The following FBP2 variants were observed in gnomAD, a reference collection of about 807,000 sequenced individuals.
The protein encoded by FBP2 is fructose-1,6-bisphosphatase isozyme 2.
Under a neutral mutation model 31.6 loss-of-function variants are expected in FBP2, and 27 were observed. That is an observed-to-expected ratio of 0.85 (90% CI 0.63 to 1.18). The LOEUF is 1.18. Ranked by LOEUF, FBP2 falls within the 50% of genes most tolerant of loss-of-function variation. The probability of loss-of-function intolerance (pLI) is 0.00; values close to 1 mark genes in which losing one functional copy is unlikely to be tolerated. For missense variants in FBP2, 421 were observed against 436.1 expected (o/e 0.97, Z 0.31); for synonymous variants, 168 against 179.8 (o/e 0.93, Z 0.53).
chr9:94,575,399 A>G (rs925931004), intron 3 of FBP2, among the ~76,000 whole-genome samples: 1 of 152,156 alleles, frequency 6.6e-6, no homozygotes, highest in South Asian at 2.1e-4. Context: ...GTTCTTTTGT[A>G]TGGCTTATGA....
chr9:94,588,883 G>A lies in FBP2; in HGVS notation c.171-1414C>T, dbSNP rs143993169. ...AGCCCCAGCCTCTGAAACCTCCAAG[G>A]CACACACCTGCCTTGTGACTGACTG... is the stretch of plus-strand genomic sequence containing the variant. On this transcript the variant is annotated intron_variant, in intron 1 of 6. Transcript: ENST00000375337. 4.5e-3 allele frequency among the ~76,000 whole-genome samples: 691 copies of A among 152,194 alleles called. 6 individuals carry two copies. Among genetic ancestry groups the A allele is most frequent in the Non-Finnish European group, 6.0e-3 (410 of 68,006 alleles).
Position 94,571,483 on chromosome 9 carries a change from C to T in FBP2, c.546G>A (p.Val182=), listed in dbSNP as rs372755885. ...TLVALSTGQG[V]DLFMLDPALG... is the part of the protein sequence containing the mutation. Reference sequence around the variant, plus strand: ...CTACCGGGTCAAGCATGAAGAGGTCCACGCCTTGCCCTGTGGAGAGAGCCA... The same window carrying T: ...CTACCGGGTCAAGCATGAAGAGGTCTACGCCTTGCCCTGTGGAGAGAGCCA... Residue 182 remains valine, a synonymous_variant, in exon 4 of 7, where the codon GTG becomes GTA. Transcript: ENST00000375337. 9.6e-5 allele frequency: 155 copies of T among 1,612,990 alleles called. 2 individuals carry two copies. The highest frequency in any genetic ancestry group is 1.1e-4 in the Non-Finnish European group (131 of 1,179,582).
intron 3 of FBP2, 128 bp downstream of exon 3, chr9:94,584,449 T>G: frequency 1.5e-6 from 1 of 646,024 alleles, no homozygotes; most frequent in Non-Finnish European, 2.8e-6. Context: ...GTTGGTGGTT[T>G]GCCTACAGTG....
chr9:94,561,350 GTATTT>G (rs1827097274), intron 6 of FBP2, among the ~76,000 whole-genome samples: 5 of 59,796 alleles, frequency 8.4e-5, no homozygotes, highest in African/African-American at 2.4e-4. Flanking sequence ...CATGTGACCT[GTATTT>G]TTTTTTTTTT....
chr9:94,580,783 G>A (rs1163274695), intron 3 of FBP2, among the ~76,000 whole-genome samples: 2 of 152,142 alleles, frequency 1.3e-5, no homozygotes, highest in African/African-American at 4.8e-5. Flanking sequence ...CCCTAAAAAA[G>A]GCCCTTATCA....
At chr9:94,580,852 A>G (rs1388092177) in intron 3 of FBP2, among the ~76,000 whole-genome samples, 4 of 152,150 alleles carry the variant, frequency 2.6e-5, no homozygotes, top group Non-Finnish European at 2.9e-5. Flanking sequence ...CTGGGTGCAC[A>G]TATTTCATCT....
chr9:94,559,429 G>T (rs1248942863), intron 6 of FBP2, among the ~76,000 whole-genome samples: 1 of 152,146 alleles, frequency 6.6e-6, no homozygotes, highest in Non-Finnish European at 1.5e-5. Flanking sequence ...GGAAATATGA[G>T]ATCTAGGCAT....
At chr9:94,583,457 A>T (rs1827392993) in intron 3 of FBP2, among the ~76,000 whole-genome samples, 1 of 152,140 alleles carries the variant, frequency 6.6e-6, no homozygotes, top group South Asian at 2.1e-4. Context: ...TATAACCCAA[A>T]CTATACAGGC....
At chr9:94,559,260 C>CA in intron 6 of FBP2, 128 bp from the exon 7 acceptor site, 1 of 756,702 alleles carries the variant, frequency 1.3e-6, no homozygotes. Context: ...GCACCATGCA[C>CA]CTTGCAAGAG....
intron 3 of FBP2, among the ~76,000 whole-genome samples, chr9:94,581,791 A>T (rs1189107010): frequency 6.6e-6 from 1 of 152,256 alleles, no homozygotes; most frequent in Non-Finnish European, 1.5e-5. Context: ...CCATGGCAGG[A>T]AGCGGGATCA....
chr9:94,570,783 A>C (rs1319251276), intron 4 of FBP2: 1 of 152,180 alleles, frequency 6.6e-6, no homozygotes, highest in Non-Finnish European at 1.5e-5. Context: ...TCATTTTGAA[A>C]TTTTGCAAAC....
chr9:94,563,382 A>G lies in FBP2; in HGVS notation c.785T>C (p.Ile262Thr). The G allele has an allele frequency of 6.2e-7, 1 of 1,614,130 alleles. No individual in the cohort carries two copies. Among genetic ancestry groups the G allele is most frequent in the South Asian group, 1.1e-5 (1 of 91,074 alleles). ...DVHRTLVYGGIFLYPANQKSP... is the reference protein window; with the variant it reads ...DVHRTLVYGGTFLYPANQKSP... ...CTTCTGGTTGGCTGGGTACAGGAAG[A>G]TTCCTCCATAGACCAGGGTGCGGTG... is the stretch of plus-strand genomic sequence containing the variant. The change falls in exon 6 of 7, where the codon ATC becomes ACC. Residue 262 changes from isoleucine to threonine, a missense_variant. Coordinates refer to ENST00000375337, the MANE Select transcript of FBP2 (RefSeq NM_003837.4).
intron 1 of FBP2, among the ~76,000 whole-genome samples, chr9:94,590,335 C>A (rs1827479969): frequency 1.3e-5 from 2 of 152,178 alleles, no homozygotes; most frequent in Non-Finnish European, 2.9e-5. Context: ...CTCTTGTTCC[C>A]ACCATAAGAA....
chr9:94,562,479 A>G (rs1394259227), intron 6 of FBP2, among the ~76,000 whole-genome samples: 1 of 152,090 alleles, frequency 6.6e-6, no homozygotes, highest in African/African-American at 2.4e-5. Flanking sequence ...GAAGAGAAAC[A>G]CCTGATACAC....
rs1183044343 is a variant in FBP2 at position 94,567,173 on chromosome 9, A to G, written c.705+97T>C. 6.3e-6 allele frequency: 8 copies of G among 1,274,362 alleles called. No individual in the cohort carries two copies. In the Admixed American group the frequency reaches 1.3e-4, roughly 20 times the overall value. The allele number at this position is 1,274,362 out of a possible 1,614,324, so 78.9% of individuals were successfully genotyped here. On this transcript the variant is annotated intron_variant, in intron 5 of 6. Coordinates refer to ENST00000375337, the MANE Select transcript of FBP2 (RefSeq NM_003837.4). Reference sequence around the variant, plus strand: ...ACTGACCACAGCCATAAACAGTGGCACCAACCTCTTTCAGCAAAGCCCCTG... The same window carrying G: ...ACTGACCACAGCCATAAACAGTGGCGCCAACCTCTTTCAGCAAAGCCCCTG...
chr9:94,587,330 T>C lies in FBP2; in HGVS notation c.310A>G (p.Ile104Val), dbSNP rs778928372. The C allele has an allele frequency of 6.2e-6, 10 of 1,612,562 alleles. No individual in the cohort carries two copies. The highest frequency in any genetic ancestry group is 8.5e-6 in the Non-Finnish European group (10 of 1,179,658). ...VLVSEENKDA[I>V]ITAKEKRGKY... ...ACCCGCTTCTCCTTGGCGGTGATGA[T>C]GGCGTCCTTATTCTCTTCTGAGACC... The change falls in exon 2 of 7, where the codon ATC (isoleucine) becomes GTC (valine). Residue 104 changes from isoleucine (I) to valine (V), a missense_variant. Coordinates refer to ENST00000375337, the MANE Select transcript of FBP2 (RefSeq NM_003837.4).
chr9:94,583,745 G>A (rs762652418), intron 3 of FBP2, among the ~76,000 whole-genome samples: 11 of 152,202 alleles, frequency 7.2e-5, no homozygotes, highest in East Asian at 5.8e-4. Flanking sequence ...AATTACAGGC[G>A]TGCACCATCA....
At chr9:94,591,010 A>G (rs1349289634) in intron 1 of FBP2, among the ~76,000 whole-genome samples, 4 of 151,958 alleles carry the variant, frequency 2.6e-5, no homozygotes, top group Admixed American at 6.6e-5. Flanking sequence ...TGATTGGTGT[A>G]TTTACAATCC....
intron 4 of FBP2, chr9:94,570,800 C>A (rs1297384920): frequency 1.3e-5 from 2 of 152,198 alleles, no homozygotes; most frequent in African/African-American, 4.8e-5. Context: ...AAACCCCTCT[C>A]TCCACACATG....
Sources: gnomAD v4.1 joint callset for allele counts (sites outside exome capture counted in the v4.1 genomes callset) on GRCh38, gnomAD v4.1.1 for gene constraint, MANE v1.5 for transcripts, NCBI Gene and HGNC (gene_info 2026-07-23, HGNC 2026-07-21) for gene names.